PDGFC: variants seen among roughly 807,000 people sequenced by gnomAD.
PDGFC encodes the protein platelet-derived growth factor C.
Under a neutral mutation model 35.5 loss-of-function variants are expected in PDGFC, and 12 were observed. The observed-to-expected ratio is 0.34, with a 90% CI of 0.22 to 0.55. The LOEUF is 0.55. Among genes scored for constraint, PDGFC ranks in the 20% least tolerant of loss-of-function variants. The pLI, the probability that PDGFC is intolerant of heterozygous loss-of-function variation, is 0.91. For missense variants in PDGFC, 322 were observed against 412.4 expected (o/e 0.78, Z 1.90); for synonymous variants, 159 against 148.8 (o/e 1.07, Z -0.50).
At chr4:156,904,597 T>C (rs1276725065) in intron 1 of PDGFC, among the ~76,000 whole-genome samples, 1 of 152,110 alleles carries the variant, frequency 6.6e-6, no homozygotes, top group Admixed American at 6.6e-5. Context: ...TCTTAGTAGA[T>C]ACAAAGACAT....
intron 2 of PDGFC, among the ~76,000 whole-genome samples, chr4:156,829,128 T>C (rs1326888385): frequency 6.6e-6 from 1 of 152,160 alleles, no homozygotes; most frequent in East Asian, 1.9e-4. Context: ...TATCACATGT[T>C]AAAAGTAGGA....
At chr4:156,771,777 C>A (rs1730699658) in intron 4 of PDGFC, among the ~76,000 whole-genome samples, 2 of 152,148 alleles carry the variant, frequency 1.3e-5, no homozygotes, top group South Asian at 4.1e-4. Flanking sequence ...AACATTATTC[C>A]TTTCATATAA....
chr4:156,851,490 G>A (rs1008539154), intron 1 of PDGFC, among the ~76,000 whole-genome samples: 7 of 152,082 alleles, frequency 4.6e-5, no homozygotes, highest in African/African-American at 1.7e-4. Flanking sequence ...TTGAGAGAAA[G>A]GGCAAGTTGG....
intron 2 of PDGFC, among the ~76,000 whole-genome samples, chr4:156,827,961 A>G (rs1728824543): frequency 6.6e-6 from 1 of 152,242 alleles, no homozygotes; most frequent in African/African-American, 2.4e-5. Flanking sequence ...TGCGTGAAAC[A>G]GTGGAGTCCT....
chr4:156,913,928 C>T (rs1482125231), intron 1 of PDGFC, among the ~76,000 whole-genome samples: 1 of 152,140 alleles, frequency 6.6e-6, no homozygotes, highest in African/African-American at 2.4e-5. Flanking sequence ...TCAGTGAAAA[C>T]TCATGGGGAC....
intron 2 of PDGFC, among the ~76,000 whole-genome samples, chr4:156,827,500 G>A (rs1385389496): frequency 1.3e-5 from 2 of 151,922 alleles, no homozygotes; most frequent in Middle Eastern, 3.2e-3. Context: ...GCTGACTGAT[G>A]ACTGATGATT....
At chr4:156,780,411 G>T (rs1384424256) in intron 3 of PDGFC, among the ~76,000 whole-genome samples, 1 of 152,030 alleles carries the variant, frequency 6.6e-6, no homozygotes, top group African/African-American at 2.4e-5. Context: ...CAAAATCTTT[G>T]AAGACACTTT....
intron 5 of PDGFC, among the ~76,000 whole-genome samples, chr4:156,763,481 C>T (rs184679281): frequency 1.3e-5 from 2 of 151,974 alleles, no homozygotes; most frequent in Non-Finnish European, 2.9e-5. Context: ...AGACTCACCA[C>T]GCAATTGTTA....
At chr4:156,837,553 C>T (rs192170620) in intron 2 of PDGFC, among the ~76,000 whole-genome samples, 1 of 152,208 alleles carries the variant, frequency 6.6e-6, no homozygotes, top group East Asian at 1.9e-4. Flanking sequence ...AAATAAAAGA[C>T]TGCATCATTA....
At chr4:156,865,147 A>G (rs1220448198) in intron 1 of PDGFC, among the ~76,000 whole-genome samples, 1 of 151,804 alleles carries the variant, frequency 6.6e-6, no homozygotes, top group African/African-American at 2.4e-5. Context: ...AAGCAAAACA[A>G]TGGATAAATT....
intron 3 of PDGFC, among the ~76,000 whole-genome samples, chr4:156,803,085 C>T (rs116409240): frequency 1.3e-5 from 2 of 152,204 alleles, no homozygotes; most frequent in Non-Finnish European, 2.9e-5. Flanking sequence ...GCAAGGATGA[C>T]GGTTTGTGCA....
intron 1 of PDGFC, among the ~76,000 whole-genome samples, chr4:156,917,928 A>C (rs543993389): frequency 2.0e-5 from 3 of 152,190 alleles, no homozygotes; most frequent in Non-Finnish European, 4.4e-5. Flanking sequence ...ATTTTTTCAG[A>C]TCAAATTAAT....
chr4:156,941,028 T>C (rs536913142), intron 1 of PDGFC, among the ~76,000 whole-genome samples: 3 of 152,298 alleles, frequency 2.0e-5, no homozygotes, highest in South Asian at 4.1e-4. Flanking sequence ...ATATAATGTA[T>C]GCAAACAAAA....
chr4:156,789,976 C>CAAAAAAAAAAA (rs750843965), intron 3 of PDGFC, among the ~76,000 whole-genome samples: 1 of 55,932 alleles, frequency 1.8e-5, no homozygotes, highest in Non-Finnish European at 3.3e-5. Flanking sequence ...GTCTCCATCT[C>CAAAAAAAAAAA]AAAAAAAAAA....
chr4:156,950,170 G>A (rs1042568942), intron 1 of PDGFC, among the ~76,000 whole-genome samples: 6 of 151,836 alleles, frequency 4.0e-5, no homozygotes, highest in East Asian at 1.9e-4. Flanking sequence ...AAAGTTCTCC[G>A]TTCTCCAGTT....
intron 3 of PDGFC, among the ~76,000 whole-genome samples, chr4:156,774,707 G>A (rs1730780418): frequency 1.3e-5 from 2 of 150,198 alleles, no homozygotes; most frequent in African/African-American, 4.9e-5. Flanking sequence ...GTGTTCCAGG[G>A]CCTGTGTGTG....
rs75668821 is a variant in PDGFC, at chr4:156,847,527, T to C, written c.314+2694A>G. On this transcript the variant is annotated intron_variant, in intron 2 of 5. Coordinates refer to ENST00000502773, the MANE Select transcript of PDGFC (RefSeq NM_016205.3). ...AACGAGACATTACAACTAAATGCAA[T>C]GAGTTTAATCTGAAAAAGATCCTGA... 1.8e-3 allele frequency among the ~76,000 whole-genome samples: 271 copies of C among 151,914 alleles called. 5 individuals carry two copies. The East Asian group carries it at 0.038, about 21-fold the overall frequency.
At chr4:156,862,823 T>C (rs1000497010) in intron 1 of PDGFC, among the ~76,000 whole-genome samples, 30 of 151,848 alleles carry the variant, frequency 2.0e-4, no homozygotes, top group African/African-American at 7.0e-4. Flanking sequence ...ACCTCTGTAG[T>C]AGCTGGGATT....
At chr4:156,794,558 ACT>A (rs988539979) in intron 3 of PDGFC, among the ~76,000 whole-genome samples, 10 of 151,228 alleles carry the variant, frequency 6.6e-5, no homozygotes, top group African/African-American at 1.9e-4. Context: ...AGAAAAGGAA[ACT>A]CTGCTTTTCC....
Sources: gnomAD v4.1 joint callset for allele counts (sites outside exome capture counted in the v4.1 genomes callset) on GRCh38, gnomAD v4.1.1 for gene constraint, MANE v1.5 for transcripts, NCBI Gene and HGNC (gene_info 2026-07-23, HGNC 2026-07-21) for gene names.